Variants in F8 observed in about 807,000 individuals in gnomAD.
F8 encodes the protein coagulation factor VIII, also known as antihemophilic factor.
In F8, 12 loss-of-function variants were observed where a neutral mutation model predicts 140.6. The observed-to-expected ratio is 0.09, with a 90% CI of 0.05 to 0.14. F8 has a LOEUF of 0.14. Among genes scored for constraint, F8 ranks in the 10% least tolerant of loss-of-function variants. The pLI is 1.00. For missense variants in F8, 1,354 were observed against 1,720.7 expected, an observed-to-expected ratio of 0.79 and a Z score of 3.77; for synonymous variants, 585 against 614.6, an observed-to-expected ratio of 0.95 and a Z score of 0.71.
At chrX:154,985,525 T>A (rs1360843642) in intron 5 of F8, among the ~76,000 whole-genome samples, 1 of 112,295 alleles carries the variant, frequency 8.9e-6, no homozygotes. Context: ...CATCCCAGCT[T>A]ATATTTATGA....
At position 154,848,335 on chromosome X, in the gene F8, C is replaced by T. The variant is rs782353054; in HGVS notation, c.6901-10583G>A. On this transcript the variant is annotated intron_variant, in intron 25 of 25. Transcript: ENST00000360256. The stretch of plus-strand genomic sequence containing the variant: ...AGCTGTCAGACAGGGACATTTAAGT[C>T]TGCAGAGGTTACTGCTGTCTTTTTG... Among the ~76,000 whole-genome samples, 5 of 112,932 alleles carry T rather than the reference C, an allele frequency of 4.4e-5. No individual in the cohort carries two copies. In the East Asian group the frequency reaches 1.4e-3, roughly 32 times the overall value.
chrX:154,923,354 C>G (rs2073141982), intron 14 of F8, among the ~76,000 whole-genome samples: 1 of 111,719 alleles, frequency 9.0e-6, no homozygotes, highest in Non-Finnish European at 1.9e-5. Context: ...TTATTCAATA[C>G]TAAGTCCATA....
At chrX:154,849,039 C>T (rs1435361456) in intron 25 of F8, among the ~76,000 whole-genome samples, 9 of 111,377 alleles carry the variant, frequency 8.1e-5, no homozygotes, top group African/African-American at 9.8e-5. Context: ...CATCAATTGA[C>T]GAGAGATGTG....
chrX:154,838,407 C>T (rs1259735113), intron 25 of F8, among the ~76,000 whole-genome samples: 1 of 111,672 alleles, frequency 9.0e-6, no homozygotes, highest in African/African-American at 3.3e-5. Context: ...ACTCTGAAAC[C>T]CTGTGGGTTT....
In F8 at chrX:154,900,952, T is replaced by A. The variant is rs1200744636; in HGVS notation, c.6187+419A>T. 2.7e-5 allele frequency among the ~76,000 whole-genome samples: 3 copies of A among 112,750 alleles called. No homozygotes were observed. In the Admixed American group the frequency reaches 2.8e-4, roughly 11 times the overall value. On this transcript the variant is annotated intron_variant, in intron 20 of 25. Coordinates refer to ENST00000360256, the MANE Select transcript of F8 (RefSeq NM_000132.4). The stretch of plus-strand genomic sequence containing the variant: ...TTGACAATTATTTAAAAATGGAAAA[T>A]CTGTTCATAGCTCACATGCCATACA...
intron 22 of F8, among the ~76,000 whole-genome samples, chrX:154,867,003 A>G (rs909519881): frequency 1.8e-5 from 2 of 112,063 alleles, no homozygotes; most frequent in Non-Finnish European, 3.8e-5. Context: ...TAAAATATAA[A>G]TGAAAGAGGA....
At chrX:154,964,388 G>A (rs936447204) in intron 9 of F8, among the ~76,000 whole-genome samples, 7 of 110,594 alleles carry the variant, frequency 6.3e-5, no homozygotes, top group Non-Finnish European at 5.7e-5. Context: ...GAAAAAATAC[G>A]TACACAAAAT....
chrX:154,952,102 A>C (rs1165750835), intron 12 of F8, among the ~76,000 whole-genome samples: 1 of 112,147 alleles, frequency 8.9e-6, no homozygotes, highest in African/African-American at 3.2e-5. Flanking sequence ...AGTAAATAGC[A>C]CAATAAGGAA....
At position 154,836,450 on chromosome X, in the gene F8, AGTGTTTTTT is replaced by A. The variant is rs1557270926; in HGVS notation, c.*1138_*1146del. The A allele has an allele frequency of 1.8e-5, 2 of 111,074 alleles. No homozygotes were observed. Among genetic ancestry groups the A allele is most frequent in the Non-Finnish European group, 3.8e-5 (2 of 53,001 alleles). 9.2% of individuals were successfully genotyped at this position (111,074 alleles called of 1,213,427 possible). A position where few individuals can be genotyped will look rare whatever the true frequency, so the allele number is the denominator to read the frequency against. On this transcript the variant is annotated 3_prime_UTR_variant, in exon 26 of 26. Coordinates refer to ENST00000360256, the MANE Select transcript of F8 (RefSeq NM_000132.4). ...ATTGTGTGGTGATATGGCAGACTGG[AGTGTTTTTT>A]CTGTTTTCACCAGTCCAATTTTCTT...
intron 14 of F8, among the ~76,000 whole-genome samples, chrX:154,916,964 A>G (rs1557277157): frequency 9.1e-6 from 1 of 110,407 alleles, no homozygotes; most frequent in Non-Finnish European, 1.9e-5. Context: ...GTTGTATCCC[A>G]TTCATTTTGG....
chrX:154,975,011 T>C lies in F8; in HGVS notation c.788-5459A>G, dbSNP rs781908559. Among the ~76,000 whole-genome samples, 7 of 111,877 alleles carry C rather than the reference T, an allele frequency of 6.3e-5. No individual in the cohort carries two copies. In the South Asian group the frequency reaches 2.6e-3, roughly 41 times the overall value. ...GTCTGGCTAAAAGTTTATTGACTTTTTTTTATCTTTTCAAAGAACTAACTA... is the reference window on the plus strand; with the variant it reads ...GTCTGGCTAAAAGTTTATTGACTTTCTTTTATCTTTTCAAAGAACTAACTA... On this transcript the variant is annotated intron_variant, in intron 6 of 25. Transcript: ENST00000360256.
Position 154,901,352 on chromosome X carries a change from CA to C in F8, c.6187+18del, listed in dbSNP as rs782377822. On this transcript the variant is annotated intron_variant, in intron 20 of 25. Transcript: ENST00000360256. ...ATATAATCAGCCCAGGTTCTTGGAG[CA>C]AAAATAATAGTATTTACCATATTGT... 12 of 1,086,226 alleles carry C rather than the reference CA, an allele frequency of 1.1e-5. No homozygotes were observed. The East Asian group carries it at 2.7e-4, about 25-fold the overall frequency. The allele number at this position is 1,086,226 out of a possible 1,213,427, so 89.5% of individuals were successfully genotyped here.
intron 14 of F8, among the ~76,000 whole-genome samples, chrX:154,911,358 C>G (rs782027962): frequency 2.8e-5 from 3 of 108,273 alleles, no homozygotes; most frequent in African/African-American, 1.0e-4. Context: ...TTCCATCCCA[C>G]CCCCCCATAC....
rs782526745 is a variant in F8, at chrX:154,902,437, G to C, written c.5999-270C>G. 6.0e-4 allele frequency among the ~76,000 whole-genome samples: 67 copies of C among 111,576 alleles called. No homozygotes were observed. Among genetic ancestry groups the C allele is most frequent in the Non-Finnish European group, 6.8e-4 (36 of 53,079 alleles). ...GGACAGGAGAATGCTACTGCATTAT[G>C]ATTGACCTACATTCCCAGGGTCTTT... On this transcript the variant is annotated intron_variant, in intron 18 of 25. Transcript: ENST00000360256.
rs1256753321 is a variant in F8, at chrX:154,966,279, T to C, written c.1272-138A>G. 5 of 899,830 alleles carry C rather than the reference T, an allele frequency of 5.6e-6. No homozygotes were observed. The East Asian group carries it at 1.6e-4, about 29-fold the overall frequency. 74.2% of individuals were successfully genotyped at this position (899,830 alleles called of 1,213,427 possible). On this transcript the variant is annotated intron_variant, in intron 8 of 25. Transcript: ENST00000360256. ...AAGCTTCTCTGATGCTCAGCTATGT[T>C]AGTTTCCAAATGTTAATACCCTTGC...
At chrX:154,984,583 T>TGG (rs2073547486) in intron 6 of F8, 104 bp downstream of exon 6, 1 of 606,570 alleles carries the variant, frequency 1.6e-6, no homozygotes, top group African/African-American at 2.2e-5. Context: ...AAGTATTCAG[T>TGG]GGGCTATATC....
chrX:154,931,984 C>T (rs2073201238), intron 13 of F8, among the ~76,000 whole-genome samples: 1 of 112,013 alleles, frequency 8.9e-6, no homozygotes, highest in Admixed American at 9.4e-5. Flanking sequence ...ACAGAACTCT[C>T]TGAATATGAC....
chrX:154,944,212 T>C (rs1187985304), intron 13 of F8, among the ~76,000 whole-genome samples: 1 of 109,759 alleles, frequency 9.1e-6, no homozygotes, highest in Non-Finnish European at 1.9e-5. Flanking sequence ...CAAAAGAAAC[T>C]ACCATCAGAG....
chrX:154,950,709 C>T (rs1236053065), intron 12 of F8, among the ~76,000 whole-genome samples: 1 of 111,938 alleles, frequency 8.9e-6, no homozygotes, highest in Non-Finnish European at 1.9e-5. Context: ...AATTGTGTGG[C>T]AAAGTCTTTA....
Sources: allele counts gnomAD v4.1 joint callset (sites outside exome capture counted in the v4.1 genomes callset), GRCh38; gene constraint gnomAD v4.1.1; transcripts MANE v1.5; gene names NCBI Gene and HGNC (gene_info 2026-07-23, HGNC 2026-07-21).